The following PLCB1 variants were observed in gnomAD, a reference collection of about 807,000 sequenced individuals.
PLCB1 encodes 1-phosphatidylinositol 4,5-bisphosphate phosphodiesterase beta-1.
A neutral mutation model predicts 161.8 loss-of-function variants in PLCB1; 46 were observed. The observed-to-expected ratio is 0.28, with a 90% CI of 0.22 to 0.36. The LOEUF is 0.36. PLCB1 is among the 10% of genes least tolerant of loss of function. The probability of loss-of-function intolerance (pLI) is 1.00; values close to 1 mark genes in which losing one functional copy is unlikely to be tolerated. For missense variants in PLCB1, 1,016 were observed against 1,472.5 expected (o/e 0.69, Z 5.07); for synonymous variants, 517 against 503.7 (o/e 1.03, Z -0.35).
intron 2 of PLCB1, among the ~76,000 whole-genome samples, chr20:8,188,529 G>T (rs1228640294): frequency 1.3e-5 from 2 of 152,122 alleles, no homozygotes; most frequent in Non-Finnish European, 2.9e-5. Flanking sequence ...ATAAAAATTA[G>T]AAACTAAAAG....
At chr20:8,542,441 A>G (rs1985373948) in intron 3 of PLCB1, among the ~76,000 whole-genome samples, 1 of 152,218 alleles carries the variant, frequency 6.6e-6, no homozygotes, top group African/African-American at 2.4e-5. Context: ...GTCAAGTGAC[A>G]CACGGGATAT....
At chr20:8,298,563 G>A (rs1862833253) in intron 2 of PLCB1, among the ~76,000 whole-genome samples, 1 of 148,734 alleles carries the variant, frequency 6.7e-6, no homozygotes, top group Admixed American at 6.7e-5. Context: ...ACTGAACTAA[G>A]TATTCCATTT....
chr20:8,589,133 T>C (rs1987072804), intron 3 of PLCB1, among the ~76,000 whole-genome samples: 1 of 152,170 alleles, frequency 6.6e-6, no homozygotes, highest in South Asian at 2.1e-4. Flanking sequence ...TGTTTTGTCT[T>C]TGGGCTTAGT....
chr20:8,841,359 T>C (rs972769218), intron 31 of PLCB1, among the ~76,000 whole-genome samples: 6 of 152,222 alleles, frequency 3.9e-5, no homozygotes, highest in African/African-American at 7.2e-5. Flanking sequence ...TTACTTTTAG[T>C]TGTGGCCATA....
At position 8,755,947 on chromosome 20, in the gene PLCB1, A is replaced by AT. The variant is rs1981714983; in HGVS notation, c.2524-1093dup. ...GCTAGGCAGGTGTCCTCACAGAAGT[A>AT]TTTTTTGTGTAAAGTTGCTATGGCC... On this transcript the variant is annotated intron_variant, in intron 23 of 31. Coordinates refer to ENST00000338037, the MANE Select transcript of PLCB1 (RefSeq NM_015192.4). 3.3e-5 allele frequency among the ~76,000 whole-genome samples: 5 copies of AT among 152,324 alleles called. No individual in the cohort carries two copies. In the South Asian group the frequency reaches 8.3e-4, roughly 25 times the overall value.
intron 3 of PLCB1, among the ~76,000 whole-genome samples, chr20:8,381,727 G>A (rs918397324): frequency 6.6e-5 from 10 of 152,216 alleles, no homozygotes; most frequent in East Asian, 1.9e-4. Flanking sequence ...TAGTTTATTC[G>A]CATAGAGGTG....
At chr20:8,348,307 A>G (rs1986061951) in intron 2 of PLCB1, among the ~76,000 whole-genome samples, 1 of 152,198 alleles carries the variant, frequency 6.6e-6, no homozygotes, top group East Asian at 1.9e-4. Flanking sequence ...CTTCCTCTAG[A>G]TAGAGGGACC....
chr20:8,486,348 A>G (rs927099414), intron 3 of PLCB1, among the ~76,000 whole-genome samples: 2 of 152,190 alleles, frequency 1.3e-5, no homozygotes, highest in Admixed American at 6.5e-5. Context: ...CTAATTTGTC[A>G]CATGCCATGG....
intron 16 of PLCB1, among the ~76,000 whole-genome samples, chr20:8,724,998 A>T (rs151221315): frequency 6.6e-6 from 1 of 152,298 alleles, no homozygotes; most frequent in African/African-American, 2.4e-5. Flanking sequence ...TAATAGGGCT[A>T]CAGGCCATAC....
At chr20:8,337,893 G>GT (rs1600325682) in intron 2 of PLCB1, among the ~76,000 whole-genome samples, 1 of 152,182 alleles carries the variant, frequency 6.6e-6, no homozygotes, top group East Asian at 1.9e-4. Flanking sequence ...GATTAAATGA[G>GT]TAAGAGTGAG....
At chr20:8,304,767 CACA>C (rs1000146706) in intron 2 of PLCB1, among the ~76,000 whole-genome samples, 2 of 152,076 alleles carry the variant, frequency 1.3e-5, no homozygotes, top group African/African-American at 4.8e-5. Flanking sequence ...CCATAATCCT[CACA>C]ACAACTGTAT....
intron 23 of PLCB1, among the ~76,000 whole-genome samples, chr20:8,748,648 G>A (rs566896687): frequency 2.0e-5 from 3 of 152,132 alleles, no homozygotes; most frequent in Non-Finnish European, 4.4e-5. Flanking sequence ...GGCTTCTCAA[G>A]TTTTAATGTG....
intron 1 of PLCB1, among the ~76,000 whole-genome samples, chr20:8,143,554 C>A (rs1477392230): frequency 6.6e-6 from 1 of 152,068 alleles, no homozygotes; most frequent in African/African-American, 2.4e-5. Flanking sequence ...TTCATTATAA[C>A]TGCTATGAAG....
In PLCB1 at chr20:8,724,730, T is replaced by G. The variant is rs1397696404; in HGVS notation, c.1656T>G (p.Phe552Leu). The change falls in exon 16 of 32, where the codon TTT becomes TTG. Residue 552 changes from phenylalanine (F) to leucine (L), a missense_variant. Physicochemically the swap from Phe to Leu is conservative, Grantham distance 22. Coordinates refer to ENST00000338037, the MANE Select transcript of PLCB1 (RefSeq NM_015192.4). ...NLVNYIQPVKFESFEISKKRN... is the reference protein window; with the variant it reads ...NLVNYIQPVKLESFEISKKRN... ...TGAACTATATTCAGCCAGTCAAGTT[T>G]GAGTCATTTGAAATTTCAAAAAGTA... 3 of 1,608,170 alleles carry G rather than the reference T, an allele frequency of 1.9e-6. No individual in the cohort carries two copies. In the Admixed American group the frequency reaches 5.0e-5, roughly 27 times the overall value.
intron 31 of PLCB1, among the ~76,000 whole-genome samples, chr20:8,870,943 G>T (rs1394724952): frequency 6.6e-6 from 1 of 152,190 alleles, no homozygotes; most frequent in Admixed American, 6.5e-5. Flanking sequence ...TCACAGTGTG[G>T]TTCTTAGACC....
intron 2 of PLCB1, among the ~76,000 whole-genome samples, chr20:8,368,625 C>T (rs924499234): frequency 1.3e-5 from 2 of 151,126 alleles, no homozygotes; most frequent in African/African-American, 4.9e-5. Flanking sequence ...TATTTTTATC[C>T]TATATAGATG....
intron 26 of PLCB1, among the ~76,000 whole-genome samples, chr20:8,768,223 G>A (rs193181641): frequency 5.3e-5 from 8 of 152,174 alleles, no homozygotes; most frequent in East Asian, 1.9e-4. Flanking sequence ...TGGACTATGC[G>A]CTCTCTGAAA....
chr20:8,446,122 C>A (rs567459439), intron 3 of PLCB1, among the ~76,000 whole-genome samples: 1 of 152,268 alleles, frequency 6.6e-6, no homozygotes, highest in East Asian at 1.9e-4. Flanking sequence ...GAATTTTAGA[C>A]CACTATCCCT....
rs7263183 is a variant in PLCB1 at position 8,477,172 on chromosome 20, C to T, written c.246+105722C>T. Among the ~76,000 whole-genome samples the T allele has an allele frequency of 9.8e-3, 1,488 of 152,264 alleles. 26 individuals carry two copies. Among genetic ancestry groups the T allele is most frequent in the African/African-American group, 0.033 (1,378 of 41,560 alleles). On this transcript the variant is annotated intron_variant, in intron 3 of 31. Transcript: ENST00000338037. ...TGCAAGCTTATGAGCCATACAGAAT[C>T]GCAGGCCCCTCCAGATCTACTGAAG...
Sources: allele counts gnomAD v4.1 joint callset (sites outside exome capture counted in the v4.1 genomes callset), GRCh38; gene constraint gnomAD v4.1.1; transcripts MANE v1.5; gene names NCBI Gene and HGNC (gene_info 2026-07-23, HGNC 2026-07-21).